Variants in ADAMTS17 observed in about 807,000 individuals in gnomAD.
ADAMTS17 encodes ADAM metallopeptidase with thrombospondin type 1 motif 17.
ADAMTS17 carries 113 observed loss-of-function variants against 141.5 expected under a neutral mutation model. The ratio of observed to expected loss-of-function variants is 0.80; its 90% CI spans 0.69 to 0.93. The LOEUF is 0.93. Ranked by LOEUF, ADAMTS17 falls within the 40% of genes least tolerant of loss-of-function variation. The pLI is 0.00. For missense variants in ADAMTS17, 1,659 were observed against 1,517.9 expected (o/e 1.09, Z -1.54); for synonymous variants, 768 against 630.6 (o/e 1.22, Z -3.27).
In ADAMTS17 at chr15:100,217,787, A is replaced by G. The variant is rs577898643; in HGVS notation, c.1076-18364T>C. Among the ~76,000 whole-genome samples, 13 of 152,314 alleles carry G rather than the reference A, an allele frequency of 8.5e-5. 1 individual carries two copies. The South Asian group carries it at 2.7e-3, about 32-fold the overall frequency. The stretch of plus-strand genomic sequence containing the variant: ...GGGAAATGATATTTGCCAATCATCT[A>G]TCTGGTAAGTGACTTTTACCCAGAA... On this transcript the variant is annotated intron_variant, in intron 7 of 21. Coordinates refer to ENST00000268070, the MANE Select transcript of ADAMTS17 (RefSeq NM_139057.4).
chr15:100,153,619 G>C (rs144377491), intron 9 of ADAMTS17, among the ~76,000 whole-genome samples: 3,010 of 152,276 alleles, frequency 0.02, 95 homozygotes, highest in African/African-American at 0.069. Context: ...ACTCCAGCCT[G>C]GGTGAGAGAG....
chr15:99,999,986 C>T (rs2060887680), intron 18 of ADAMTS17, among the ~76,000 whole-genome samples: 1 of 152,182 alleles, frequency 6.6e-6, no homozygotes, highest in South Asian at 2.1e-4. Flanking sequence ...CTTCTTGGAT[C>T]CATGGCTCGC....
chr15:100,108,843 G>T (rs139017850), intron 14 of ADAMTS17, 146 bp downstream of exon 14: 14 of 1,375,132 alleles, frequency 1.0e-5, no homozygotes, highest in African/African-American at 1.4e-5. Flanking sequence ...CAACACTGGC[G>T]GCAGGAGGCG....
intron 14 of ADAMTS17, among the ~76,000 whole-genome samples, chr15:100,107,588 G>A (rs891551888): frequency 2.0e-5 from 3 of 152,110 alleles, no homozygotes; most frequent in Non-Finnish European, 4.4e-5. Flanking sequence ...ATGGTGTTAG[G>A]AGGTGGATGT....
chr15:100,003,354 G>A (rs1391559758), intron 18 of ADAMTS17, among the ~76,000 whole-genome samples: 1 of 152,080 alleles, frequency 6.6e-6, no homozygotes, highest in Non-Finnish European at 1.5e-5. Context: ...CTGCTGCAGA[G>A]GAGGTGAACA....
intron 7 of ADAMTS17, among the ~76,000 whole-genome samples, chr15:100,239,117 A>G (rs560640337): frequency 8.1e-4 from 124 of 152,304 alleles, no homozygotes; most frequent in Admixed American, 8.5e-4. Context: ...GTGAGAAAGG[A>G]AAGACTGTAA....
intron 12 of ADAMTS17, among the ~76,000 whole-genome samples, chr15:100,118,995 C>T (rs2037309683): frequency 6.9e-6 from 1 of 145,016 alleles, no homozygotes; most frequent in African/African-American, 2.5e-5. Flanking sequence ...GTAGGTTGAG[C>T]CCCTAATCCA....
chr15:100,231,318 T>C (rs2042473930), intron 7 of ADAMTS17, among the ~76,000 whole-genome samples: 2 of 152,232 alleles, frequency 1.3e-5, no homozygotes, highest in African/African-American at 4.8e-5. Flanking sequence ...TTAATTCCTC[T>C]TGGCAATGAC....
At chr15:100,015,622 T>C (rs566043002) in intron 18 of ADAMTS17, among the ~76,000 whole-genome samples, 2 of 152,342 alleles carry the variant, frequency 1.3e-5, no homozygotes, top group African/African-American at 2.4e-5. Context: ...CCTTCATATA[T>C]GATGCTTACT....
intron 6 of ADAMTS17, among the ~76,000 whole-genome samples, chr15:100,259,937 C>T (rs1320767116): frequency 6.6e-6 from 1 of 152,130 alleles, no homozygotes; most frequent in East Asian, 1.9e-4. Flanking sequence ...CTCTGCCTCC[C>T]CGGTTCAAGC....
chr15:99,997,708 A>T lies in ADAMTS17; in HGVS notation c.2592-119T>A. The T allele has an allele frequency of 7.6e-7, 1 of 1,309,000 alleles. No homozygotes were observed. The highest frequency in any genetic ancestry group is 2.4e-5 in the East Asian group (1 of 42,260). The allele number at this position is 1,309,000 out of a possible 1,614,324, so 81.1% of individuals were successfully genotyped here. ...TGGTGGGAGAGAGGGAGGCAGACTC[A>T]GGAAGCTTTTCAGCCAACCCTGGAC... On this transcript the variant is annotated intron_variant, in intron 18 of 21. Coordinates refer to ENST00000268070, the MANE Select transcript of ADAMTS17 (RefSeq NM_139057.4). The surrounding 1 kb of genome is among the most constrained non-coding windows in gnomAD (Gnocchi z 4.7).
intron 3 of ADAMTS17, among the ~76,000 whole-genome samples, chr15:100,300,128 T>C (rs1472514332): frequency 6.6e-6 from 1 of 152,090 alleles, no homozygotes; most frequent in Admixed American, 6.5e-5. Context: ...TTCTTCCAAA[T>C]GTGTCAAATA....
Position 100,160,316 on chromosome 15 carries a change from G to A in ADAMTS17, c.1182-4996C>T, listed in dbSNP as rs542390073. Among the ~76,000 whole-genome samples, 8 of 152,302 alleles carry A rather than the reference G, an allele frequency of 5.3e-5. No homozygotes were observed. The South Asian group carries it at 1.2e-3, about 24-fold the overall frequency. ...AACACATGAATTAAGTATTCTAACC[G>A]TGCACTTGGACAAGCTGCTCCCATT... On this transcript the variant is annotated intron_variant, in intron 8 of 21. Coordinates refer to ENST00000268070, the MANE Select transcript of ADAMTS17 (RefSeq NM_139057.4).
chr15:100,000,183 G>A (rs1317336547), intron 18 of ADAMTS17, among the ~76,000 whole-genome samples: 1 of 152,180 alleles, frequency 6.6e-6, no homozygotes, highest in Non-Finnish European at 1.5e-5. Flanking sequence ...GTGGCCATGA[G>A]CCTCCCATCT....
intron 10 of ADAMTS17, among the ~76,000 whole-genome samples, chr15:100,139,439 G>A (rs1596536312): frequency 1.3e-5 from 2 of 152,194 alleles, no homozygotes; most frequent in South Asian, 2.1e-4. Flanking sequence ...GAGTGCCCCC[G>A]AGCTATAGGG....
At chr15:99,988,750 G>C (rs990375921) in intron 20 of ADAMTS17, among the ~76,000 whole-genome samples, 44 of 152,146 alleles carry the variant, frequency 2.9e-4, no homozygotes. Context: ...AGGCATTCCC[G>C]GAAGGCTGAA....
chr15:100,244,287 G>T (rs1282423739), intron 7 of ADAMTS17, among the ~76,000 whole-genome samples: 1 of 150,966 alleles, frequency 6.6e-6, no homozygotes, highest in African/African-American at 2.4e-5. Context: ...ATGAGATTTG[G>T]GTGGGGACAC....
chr15:100,049,061 C>T, intron 17 of ADAMTS17, 69 bp from the exon 18 acceptor site: 1 of 1,609,906 alleles, frequency 6.2e-7, no homozygotes, highest in Non-Finnish European at 8.5e-7. Context: ...GGCTTGCATG[C>T]CCATGAAAGC....
chr15:100,185,346 C>T (rs1270558399), intron 8 of ADAMTS17, among the ~76,000 whole-genome samples: 1 of 152,174 alleles, frequency 6.6e-6, no homozygotes, highest in Admixed American at 6.5e-5. Flanking sequence ...ACAGGGTACA[C>T]ATGTGTTTTA....
Sources: gnomAD v4.1 joint callset for allele counts (sites outside exome capture counted in the v4.1 genomes callset) on GRCh38, gnomAD v4.1.1 for gene constraint, Gnocchi (gnomAD v3.1) non-coding constraint, MANE v1.5 for transcripts, NCBI Gene and HGNC (gene_info 2026-07-23, HGNC 2026-07-21) for gene names.